The following TLE1 variants were observed in gnomAD, a reference collection of about 807,000 sequenced individuals.
TLE1 encodes the protein transducin-like enhancer protein 1.
Under a neutral mutation model 89.8 loss-of-function variants are expected in TLE1, and 21 were observed. That is an observed-to-expected ratio of 0.23 (90% CI 0.17 to 0.34). The LOEUF is 0.34. TLE1 is among the 10% of genes least tolerant of loss of function. TLE1 has a pLI of 1.00. For synonymous variants in TLE1, 447 were observed against 407.6 expected (o/e 1.10, Z -1.16); for missense variants, 795 against 1,031.2 (o/e 0.77, Z 3.14).
At chr9:81,681,792 C>T (rs970876614) in intron 4 of TLE1, among the ~76,000 whole-genome samples, 5 of 152,164 alleles carry the variant, frequency 3.3e-5, no homozygotes, top group African/African-American at 1.2e-4. Context: ...GACCAGTCAG[C>T]GGCACTGCTG....
chr9:81,656,974 G>C (rs1344417194), intron 4 of TLE1, among the ~76,000 whole-genome samples: 1 of 152,180 alleles, frequency 6.6e-6, no homozygotes, highest in Non-Finnish European at 1.5e-5. Context: ...GAGTTTAGGA[G>C]GGTTCCTGCT....
Position 81,611,877 on chromosome 9 carries a change from G to A in TLE1, c.1146C>T (p.Gly382=). 2 of 1,550,534 alleles carry A rather than the reference G, an allele frequency of 1.3e-6. No individual in the cohort carries two copies. The highest frequency in any genetic ancestry group is 1.7e-6 in the Non-Finnish European group (2 of 1,151,562). The change falls in exon 13 of 20, where the codon GGC becomes GGT. Residue 382 remains glycine (G), a synonymous_variant. Transcript: ENST00000376499. The part of the protein sequence containing the change: ...FGMVPHAGMN[G]ELTSPGAAYA... ...AGGCAGCGCCTGGGCTGGTCAGCTC[G>A]CCGTTCATGCCAGCGTGGGGGACCA...
chr9:81,664,818 T>A (rs1164288694), intron 4 of TLE1, among the ~76,000 whole-genome samples: 1 of 152,196 alleles, frequency 6.6e-6, no homozygotes, highest in South Asian at 2.1e-4. Context: ...TGCTTGTTAA[T>A]ACACAGATGA....
chr9:81,642,509 T>C lies in TLE1; in HGVS notation c.373-8208A>G, dbSNP rs533577457. Among the ~76,000 whole-genome samples the C allele has an allele frequency of 2.6e-4, 38 of 147,412 alleles. No homozygotes were observed. In the South Asian group the frequency reaches 7.8e-3, roughly 30 times the overall value. On this transcript the variant is annotated intron_variant, in intron 6 of 19. Transcript: ENST00000376499. The stretch of plus-strand genomic sequence containing the variant: ...GAGTTCGAGACCAGCCTGGCCAACA[T>C]GGTGAAACCCCGTCTCTACTTAAAA...
At chr9:81,663,669 CTGGAG>C in intron 4 of TLE1, among the ~76,000 whole-genome samples, 1 of 148,466 alleles carries the variant, frequency 6.7e-6, no homozygotes, top group East Asian at 2.0e-4. Flanking sequence ...GTCACCCAGG[CTGGAG>C]TGCAGTGGCG....
At chr9:81,602,949 G>C (rs1295499233) in intron 14 of TLE1, among the ~76,000 whole-genome samples, 1 of 152,154 alleles carries the variant, frequency 6.6e-6, no homozygotes, top group African/African-American at 2.4e-5. Context: ...AGGCTGGAAT[G>C]GGTATGAGAG....
At chr9:81,606,080 C>T (rs1213124670) in intron 14 of TLE1, among the ~76,000 whole-genome samples, 1 of 152,192 alleles carries the variant, frequency 6.6e-6, no homozygotes, top group Non-Finnish European at 1.5e-5. Context: ...GATACCATCT[C>T]ATGCCAGTTA....
chr9:81,685,411 C>G lies in TLE1; in HGVS notation c.234+265G>C, dbSNP rs75707534. On this transcript the variant is annotated intron_variant, in intron 4 of 19. Transcript: ENST00000376499. ...ATCTATACAGGTGAAAAAGTAAACT[C>G]AAGTCTTAATTCCTATCTGTCAATA... Among the ~76,000 whole-genome samples, 488 of 152,282 alleles carry G rather than the reference C, an allele frequency of 3.2e-3. 9 individuals carry two copies. The highest frequency in any genetic ancestry group is 0.018 in the East Asian group (95 of 5,178).
intron 8 of TLE1, among the ~76,000 whole-genome samples, chr9:81,630,237 T>C (rs1220199398): frequency 6.6e-6 from 1 of 151,968 alleles, no homozygotes; most frequent in Non-Finnish European, 1.5e-5. Flanking sequence ...CGCAAATCTA[T>C]GAGGGCAGAT....
chr9:81,637,681 T>C (rs954550162), intron 6 of TLE1, among the ~76,000 whole-genome samples: 6 of 147,866 alleles, frequency 4.1e-5, no homozygotes, highest in African/African-American at 1.5e-4. Context: ...TCCTATCAAA[T>C]TGAAAGGAGT....
chr9:81,673,629 C>G (rs1238546148), intron 4 of TLE1, among the ~76,000 whole-genome samples: 1 of 152,118 alleles, frequency 6.6e-6, no homozygotes, highest in Non-Finnish European at 1.5e-5. Flanking sequence ...ATCCCCTAAT[C>G]CCACTCACCT....
intron 13 of TLE1, 55 bp downstream of exon 13, chr9:81,611,714 C>G: frequency 2.1e-6 from 3 of 1,396,966 alleles, no homozygotes; most frequent in South Asian, 3.3e-5. Context: ...TGACAGCGCT[C>G]AATGGAGCAT....
intron 6 of TLE1, among the ~76,000 whole-genome samples, chr9:81,645,444 C>T (rs1015380276): frequency 6.6e-6 from 1 of 150,970 alleles, no homozygotes; most frequent in African/African-American, 2.4e-5. Context: ...GATTGTAACA[C>T]AAAAGATAAA....
At chr9:81,629,113 C>T (rs1298925903) in intron 8 of TLE1, among the ~76,000 whole-genome samples, 2 of 152,120 alleles carry the variant, frequency 1.3e-5, no homozygotes, top group African/African-American at 2.4e-5. Context: ...AGCAAGTATA[C>T]GCAGCACCTC....
intron 4 of TLE1, among the ~76,000 whole-genome samples, chr9:81,684,418 C>T (rs1834003366): frequency 6.6e-6 from 1 of 152,170 alleles, no homozygotes; most frequent in South Asian, 2.1e-4. Context: ...ATCACAATCT[C>T]TTTCCAAACA....
intron 6 of TLE1, among the ~76,000 whole-genome samples, chr9:81,635,967 T>A (rs1278304300): frequency 6.6e-6 from 1 of 152,162 alleles, no homozygotes; most frequent in Non-Finnish European, 1.5e-5. Context: ...GAGACCAGCC[T>A]GGGCAACATA....
intron 6 of TLE1, among the ~76,000 whole-genome samples, chr9:81,641,201 A>G (rs1334111651): frequency 7.0e-6 from 1 of 143,712 alleles, no homozygotes; most frequent in Non-Finnish European, 1.5e-5. Context: ...CTTGGGAGAC[A>G]GCAAAATAAA....
chr9:81,630,250 T>C (rs2132304794), intron 8 of TLE1, among the ~76,000 whole-genome samples: 2 of 152,196 alleles, frequency 1.3e-5, no homozygotes, highest in South Asian at 2.1e-4. Flanking sequence ...GGGCAGATTC[T>C]CTTCCTAAAC....
intron 6 of TLE1, among the ~76,000 whole-genome samples, chr9:81,637,394 A>G (rs1485855562): frequency 6.6e-6 from 1 of 152,168 alleles, no homozygotes; most frequent in East Asian, 1.9e-4. Context: ...GTAGATTCTG[A>G]TATCTTACTG....
Sources: allele counts gnomAD v4.1 joint callset (sites outside exome capture counted in the v4.1 genomes callset), GRCh38; gene constraint gnomAD v4.1.1; transcripts MANE v1.5; gene names NCBI Gene and HGNC (gene_info 2026-07-23, HGNC 2026-07-21).